Variants in SH3D21 observed in about 807,000 individuals in gnomAD.
SH3D21 encodes manchette microtubule inner protein 1, also known as SH3 domain-containing protein 21.
A neutral mutation model predicts 82.1 loss-of-function variants in SH3D21; 83 were observed. The observed-to-expected ratio is 1.01, with a 90% CI of 0.85 to 1.21. The LOEUF (loss-of-function observed/expected upper bound fraction) is 1.21, where lower values mean the gene tolerates loss of function less well. Ranked by LOEUF, SH3D21 falls within the 50% of genes most tolerant of loss-of-function variation. The probability of loss-of-function intolerance (pLI) is 0.00; values close to 1 mark genes in which losing one functional copy is unlikely to be tolerated. For missense variants in SH3D21, 980 were observed against 962.1 expected (o/e 1.02, Z -0.25); for synonymous variants, 383 against 387.8 (o/e 0.99, Z 0.15).
chr1:36,326,200 T>C (rs201137526), downstream of SH3D21, among the ~76,000 whole-genome samples: 13 of 150,766 alleles, frequency 8.6e-5, 1 homozygote, highest in East Asian at 2.6e-3. Flanking sequence ...AGGGACTCGA[T>C]GGCCTTGTTG....
At chr1:36,309,086 A>G (rs940470466) in intron 9 of SH3D21, among the ~76,000 whole-genome samples, 75 of 152,310 alleles carry the variant, frequency 4.9e-4, no homozygotes, top group African/African-American at 1.6e-3. Flanking sequence ...TTTGTGCATG[A>G]AACAAATTTT....
At chr1:36,317,120 A>G (rs1381420643) in intron 10 of SH3D21, among the ~76,000 whole-genome samples, 1 of 152,232 alleles carries the variant, frequency 6.6e-6, no homozygotes, top group Admixed American at 6.5e-5. Flanking sequence ...TAAGAAGTCA[A>G]AGTTAACATT....
downstream of SH3D21, among the ~76,000 whole-genome samples, chr1:36,327,113 G>A (rs551906140): frequency 6.6e-6 from 1 of 152,206 alleles, no homozygotes; most frequent in African/African-American, 2.4e-5. Flanking sequence ...GGTGAAGTCA[G>A]CAAGGAGAAC....
At chr1:36,314,340 A>G (rs1570389512) in intron 10 of SH3D21, among the ~76,000 whole-genome samples, 1 of 151,774 alleles carries the variant, frequency 6.6e-6, no homozygotes, top group South Asian at 2.1e-4. Context: ...TCCTTTGCCC[A>G]TTTAAAAAAT....
Position 36,306,832 on chromosome 1 carries a change from T to C in SH3D21, c.163-10T>C, listed in dbSNP as rs757715253. The stretch of plus-strand genomic sequence containing the variant: ...AGCTGAGAGCGCCTTCCCCGTGCCC[T>C]GATTCCCAGGAGATCCCAGAGACCC... On this transcript the variant is annotated splice_polypyrimidine_tract_variant and intron_variant, in intron 2 of 15. Transcript: ENST00000453908. This position sits in a 1 kb window ranked among gnomAD's most constrained non-coding sequence, Gnocchi z 4.5. The C allele has an allele frequency of 3.1e-6, 4 of 1,295,878 alleles. No individual in the cohort carries two copies. In the South Asian group the frequency reaches 5.0e-5, roughly 16 times the overall value. The allele number at this position is 1,295,878 out of a possible 1,614,324, so 80.3% of individuals were successfully genotyped here.
Position 36,306,371 on chromosome 1 carries a change from A to T in SH3D21, c.-50A>T, listed in dbSNP as rs771148320. 71 of 1,305,000 alleles carry T rather than the reference A, an allele frequency of 5.4e-5. No homozygotes were observed. The highest frequency in any genetic ancestry group is 6.9e-5 in the Non-Finnish European group (68 of 988,880). 80.8% of individuals were successfully genotyped at this position (1,305,000 alleles called of 1,614,324 possible). A position where few individuals can be genotyped will look rare whatever the true frequency, so the allele number is the denominator to read the frequency against. On this transcript the variant is annotated 5_prime_UTR_variant, in exon 1 of 16. Transcript: ENST00000453908. The surrounding 1 kb of genome is among the most constrained non-coding windows in gnomAD (Gnocchi z 4.5). Reference sequence around the variant, plus strand: ...AGGTCGCACCCTGCGCGGGCCCAGTACTCGGCCGTCAGAGGGAGCTGCCAG... The same window carrying T: ...AGGTCGCACCCTGCGCGGGCCCAGTTCTCGGCCGTCAGAGGGAGCTGCCAG...
In SH3D21 at chr1:36,319,952, A is replaced by G. The variant is rs573685250; in HGVS notation, c.1289A>G (p.Glu430Gly). ...CCGGAGGACAAGGCTTCTATCCCAG[A>G]GAACTCCATCATCCCAGAGGAGACC... ...VTPEDKASIP[E>G]NSIIPEETLT... Residue 430 changes from glutamate to glycine, a missense_variant, in exon 14 of 16, where the codon GAG (glutamate) becomes GGG (glycine). Physicochemically the swap from Glu to Gly is moderately conservative, Grantham distance 98. Transcript: ENST00000453908. 6.2e-7 allele frequency: 1 copy of G among 1,614,126 alleles called. No homozygotes were observed. Among genetic ancestry groups the G allele is most frequent in the South Asian group, 1.1e-5 (1 of 91,078 alleles).
chr1:36,319,461 A>G lies in SH3D21; in HGVS notation c.936A>G (p.Gln312=), dbSNP rs971375550. ...SRDSGPNGGF[Q]SGGSYHPGRK... ...TCTTAGGCCCCAATGGTGGCTTCCA[A>G]AGTGGGGGTTCGTATCACCCTGGCC... Residue 312 remains glutamine (Q), a synonymous_variant, in exon 13 of 16, where the codon CAA becomes CAG. Transcript: ENST00000453908. The G allele has an allele frequency of 6.4e-7, 1 of 1,551,576 alleles. No individual in the cohort carries two copies. The highest frequency in any genetic ancestry group is 1.7e-4 in the Middle Eastern group (1 of 5,992).
At chr1:36,327,571 T>A, downstream of SH3D21, 1 of 903,172 alleles carries the variant, frequency 1.1e-6, no homozygotes, top group African/African-American at 1.8e-5. Context: ...GGCAAAAGTA[T>A]GTTTGTGTCT....
At chr1:36,322,496 C>CTCGGGGCCCGGCAGCGTGTCG (rs1646482245), downstream of SH3D21, 1 of 1,603,190 alleles carries the variant, frequency 6.2e-7, no homozygotes, top group Non-Finnish European at 8.5e-7. Flanking sequence ...CTGCGGACAG[C>CTCGGGGCCCGGCAGCGTGTCG]TCGGGGCCCG....
In SH3D21 at chr1:36,307,331, G is replaced by C. The variant is rs1180780181; in HGVS notation, c.345+46G>C. ...ACCGTTTGGGGGAGGATGATGGAAC[G>C]CGCCTCCCTAGTGAGCGGGGTGGGA... On this transcript the variant is annotated intron_variant, in intron 4 of 15. Coordinates refer to ENST00000453908, the MANE Select transcript of SH3D21 (RefSeq NM_001162530.2). This position sits in a 1 kb window ranked among gnomAD's most constrained non-coding sequence, Gnocchi z 5.4. 1 of 1,545,778 alleles carries C rather than the reference G, an allele frequency of 6.5e-7. No individual in the cohort carries two copies. Among genetic ancestry groups the C allele is most frequent in the Non-Finnish European group, 8.8e-7 (1 of 1,142,060 alleles).
rs139274679 is a variant in SH3D21 at position 36,319,939 on chromosome 1, G to T, written c.1276G>T (p.Ala426Ser). The change falls in exon 14 of 16, where the codon GCT becomes TCT. Residue 426 changes from alanine to serine, a missense_variant. Transcript: ENST00000453908. ...PEKMVTPEDK[A>S]SIPENSIIPE... Reference sequence around the variant, plus strand: ...GAAGATGGTGACTCCGGAGGACAAGGCTTCTATCCCAGAGAACTCCATCAT... The same window carrying T: ...GAAGATGGTGACTCCGGAGGACAAGTCTTCTATCCCAGAGAACTCCATCAT... 16 of 1,613,868 alleles carry T rather than the reference G, an allele frequency of 9.9e-6. No individual in the cohort carries two copies. The African/African-American group carries it at 2.1e-4, about 22-fold the overall frequency.
At chr1:36,309,683 AGTAT>A (rs1646199569) in intron 10 of SH3D21, 93 bp downstream of exon 10, 17 of 1,411,904 alleles carry the variant, frequency 1.2e-5, no homozygotes, top group Non-Finnish European at 1.6e-5. Context: ...CCAGTGGTCC[AGTAT>A]GCCCCTATAG....
chr1:36,309,467 T>C (rs1245302806), intron 9 of SH3D21, 81 bp from the exon 10 acceptor site: 1 of 1,497,456 alleles, frequency 6.7e-7, no homozygotes, highest in Non-Finnish European at 9.1e-7. Context: ...ATTATAGGTG[T>C]GAGCCACCAC....
At chr1:36,321,381 G>GT, downstream of SH3D21, 1 of 1,284,734 alleles carries the variant, frequency 7.8e-7, no homozygotes, top group Non-Finnish European at 1.0e-6. This position sits in a 1 kb window ranked among gnomAD's most constrained non-coding sequence, Gnocchi z 6.1. Flanking sequence ...TTATCCACCG[G>GT]ATGGTGAGGG....
chr1:36,320,814 C>T lies in SH3D21; in HGVS notation c.2135+16C>T, dbSNP rs1369435026. The T allele has an allele frequency of 3.2e-6, 5 of 1,553,354 alleles. No homozygotes were observed. The highest frequency in any genetic ancestry group is 4.4e-6 in the Non-Finnish European group (5 of 1,147,968). On this transcript the variant is annotated intron_variant, in intron 14 of 15. Coordinates refer to ENST00000453908, the MANE Select transcript of SH3D21 (RefSeq NM_001162530.2). ...TGCAGCTGGAGTGAGTGGGCAGTGG[C>T]GGGGGTTGTGGAAGGTAGGGTTCCC... is the stretch of plus-strand genomic sequence containing the variant.
downstream of SH3D21, chr1:36,322,335 G>C (rs1306423682): frequency 9.5e-6 from 15 of 1,572,044 alleles, no homozygotes; most frequent in Non-Finnish European, 1.2e-5. Flanking sequence ...CGTGGCCGTG[G>C]GGCTGGGCCC....
At chr1:36,312,842 C>T (rs1646266651) in intron 10 of SH3D21, among the ~76,000 whole-genome samples, 1 of 152,192 alleles carries the variant, frequency 6.6e-6, no homozygotes, top group South Asian at 2.1e-4. Flanking sequence ...TCCCAAGTAG[C>T]TGGGACTACA....
chr1:36,316,849 C>T (rs543825172), intron 10 of SH3D21, among the ~76,000 whole-genome samples: 75 of 151,564 alleles, frequency 4.9e-4, no homozygotes, highest in African/African-American at 1.6e-3. Flanking sequence ...CTGCAATCTC[C>T]GCCTCCCAGG....
Sources: allele counts gnomAD v4.1 joint callset (sites outside exome capture counted in the v4.1 genomes callset), GRCh38; gene constraint gnomAD v4.1.1; non-coding constraint Gnocchi (gnomAD v3.1); transcripts MANE v1.5; gene names NCBI Gene and HGNC (gene_info 2026-07-23, HGNC 2026-07-21).